GALNT6: variants seen among roughly 807,000 people sequenced by gnomAD.
GALNT6 encodes polypeptide N-acetylgalactosaminyltransferase 6, also known as GalNAc transferase 6.
GALNT6 carries 51 observed loss-of-function variants against 65.9 expected under a neutral mutation model. The observed-to-expected ratio is 0.77, with a 90% CI of 0.62 to 0.98. GALNT6 has a LOEUF of 0.98. Ranked by LOEUF, GALNT6 falls within the 50% of genes least tolerant of loss-of-function variation. The probability of loss-of-function intolerance (pLI) is 0.00; values close to 1 mark genes in which losing one functional copy is unlikely to be tolerated. For missense variants in GALNT6, 708 were observed against 803.3 expected, an observed-to-expected ratio of 0.88 and a Z score of 1.43; for synonymous variants, 323 against 315.1, an observed-to-expected ratio of 1.02 and a Z score of -0.26.
rs552090317 is a variant in GALNT6 at position 51,360,641 on chromosome 12, T to C, written c.1167+80A>G. On this transcript the variant is annotated intron_variant, in intron 7 of 11. Coordinates refer to ENST00000356317, the MANE Select transcript of GALNT6 (RefSeq NM_007210.4). ...TCAGTTCCAGATGGGATGTCCCTGA[T>C]GCCACCTCTGCCTGAGAGATGTTTC... The C allele has an allele frequency of 6.0e-6, 5 of 832,766 alleles. No individual in the cohort carries two copies. The East Asian group carries it at 9.8e-5, about 16-fold the overall frequency. 51.6% of individuals were successfully genotyped at this position (832,766 alleles called of 1,614,324 possible).
At position 51,360,831 on chromosome 12, in the gene GALNT6, T is replaced by C. The variant is rs1228316809; in HGVS notation, c.1057A>G (p.Thr353Ala). 3 of 1,608,348 alleles carry C rather than the reference T, an allele frequency of 1.9e-6. No individual in the cohort carries two copies. Among genetic ancestry groups the C allele is most frequent in the African/African-American group, 2.7e-5 (2 of 74,752 alleles). The change falls in exon 7 of 12, where the codon ACG (threonine) becomes GCG (alanine). Residue 353 changes from threonine (T) to alanine (A), a missense_variant. Thr to Ala is a moderately conservative substitution (Grantham distance 58). Transcript: ENST00000356317. ...KDETYPIKSP[T>A]FAGGLFSISK... ...ATGGAGAAGAGGCCACCAGCAAACG[T>C]CGGGGATCTGGAGAGACAGAGGGAG...
Position 51,373,609 on chromosome 12 carries a change from G to A in GALNT6, c.664+3586C>T, listed in dbSNP as rs1045222794. On this transcript the variant is annotated intron_variant, in intron 4 of 11. Transcript: ENST00000356317. ...AAGAGATTCAGGTGAAAGAGCTTCC[G>A]AAGGATGGGTAGCATAGGGTTAGGA... Among the ~76,000 whole-genome samples the A allele has an allele frequency of 3.9e-5, 6 of 152,172 alleles. No homozygotes were observed. In the South Asian group the frequency reaches 1.2e-3, roughly 32 times the overall value.
At chr12:51,386,521 G>T (rs905730727) in intron 2 of GALNT6, among the ~76,000 whole-genome samples, 4 of 152,188 alleles carry the variant, frequency 2.6e-5, no homozygotes, top group Non-Finnish European at 4.4e-5. Context: ...TGGCCTCTTT[G>T]TAACAATGTT....
At chr12:51,375,942 C>A (rs1162210478) in intron 4 of GALNT6, among the ~76,000 whole-genome samples, 1 of 152,026 alleles carries the variant, frequency 6.6e-6, no homozygotes, top group Non-Finnish European at 1.5e-5. Flanking sequence ...CTCACTGCAG[C>A]CTACGCCTCC....
chr12:51,354,102 C>G lies in GALNT6; in HGVS notation c.*277G>C, dbSNP rs1215589087. On this transcript the variant is annotated 3_prime_UTR_variant, in exon 12 of 12. Transcript: ENST00000356317. ...TGAACTCAGCATTGCTGCCCTGAACCCTCCCCCAGCTGCCTTCCCTACTTT... is the reference window on the plus strand; with the variant it reads ...TGAACTCAGCATTGCTGCCCTGAACGCTCCCCCAGCTGCCTTCCCTACTTT... 1.4e-5 allele frequency: 5 copies of G among 352,720 alleles called. No individual in the cohort carries two copies. The East Asian group carries it at 3.1e-4, about 22-fold the overall frequency. 21.8% of individuals were successfully genotyped at this position (352,720 alleles called of 1,614,324 possible).
intron 6 of GALNT6, among the ~76,000 whole-genome samples, chr12:51,363,606 G>A (rs1946996488): frequency 6.6e-6 from 1 of 152,232 alleles, no homozygotes; most frequent in South Asian, 2.1e-4. Flanking sequence ...ACTTCACGCT[G>A]CAGAAAATGT....
intron 6 of GALNT6, among the ~76,000 whole-genome samples, chr12:51,362,369 T>C (rs1946950486): frequency 1.3e-5 from 2 of 152,132 alleles, no homozygotes; most frequent in South Asian, 4.1e-4. Context: ...CCTCTGCCTC[T>C]CCTCTTAGGC....
Position 51,377,341 on chromosome 12 carries a change from C to G in GALNT6, c.518G>C (p.Cys173Ser), listed in dbSNP as rs772422936. 3 of 1,612,638 alleles carry G rather than the reference C, an allele frequency of 1.9e-6. No homozygotes were observed. The East Asian group carries it at 6.7e-5, about 36-fold the overall frequency. Residue 173 changes from cysteine to serine, a missense_variant, in exon 4 of 12, where the codon TGC becomes TCC. By Grantham distance (112) the Cys-to-Ser change is moderately radical. Transcript: ENST00000356317. ...CACGCTGGTGGTGGCCAGTGGGGGGCAGCGCCGGAACTTCTGGTCCACACA... is the reference window on the plus strand; with the variant it reads ...CACGCTGGTGGTGGCCAGTGGGGGGGAGCGCCGGAACTTCTGGTCCACACA... ...PECVDQKFRR[C>S]PPLATTSVII...
chr12:51,379,165 A>T, intron 3 of GALNT6, 126 bp downstream of exon 3: 1 of 932,458 alleles, frequency 1.1e-6, no homozygotes, highest in Non-Finnish European at 1.6e-6. Flanking sequence ...CATAGAGGAG[A>T]TCCTTGCCCA....
chr12:51,358,098 G>T (rs768169200), intron 9 of GALNT6, 32 bp downstream of exon 9: 13 of 1,604,130 alleles, frequency 8.1e-6, no homozygotes, highest in Non-Finnish European at 1.0e-5. Context: ...GTGCTGTGGT[G>T]ATGGGCAGGC....
At chr12:51,354,554 G>T in intron 11 of GALNT6, 62 bp from the exon 12 acceptor site, 1 of 989,620 alleles carries the variant, frequency 1.0e-6, no homozygotes, top group Non-Finnish European at 1.5e-6. Flanking sequence ...TGCTACCAGG[G>T]ACAATGCGAT....
rs571998483 is a variant in GALNT6 at position 51,376,738 on chromosome 12, C to T, written c.664+457G>A. Among the ~76,000 whole-genome samples, 507 of 151,970 alleles carry T rather than the reference C, an allele frequency of 3.3e-3. 5 individuals carry two copies. Among genetic ancestry groups the T allele is most frequent in the African/African-American group, 0.011 (467 of 41,434 alleles). On this transcript the variant is annotated intron_variant, in intron 4 of 11. Transcript: ENST00000356317. ...GGCATCCCCTCTGCCTGGGTCAGAG[C>T]CAGGCACACAGTACTCAGTAGATGT...
chr12:51,359,280 T>C lies in GALNT6; in HGVS notation c.1220A>G (p.His407Arg). Residue 407 changes from histidine (H) to arginine (R), a missense_variant, in exon 8 of 12, where the codon CAT (histidine) becomes CGT (arginine). Physicochemically the swap from His to Arg is conservative, Grantham distance 29 (BLOSUM62 0). Transcript: ENST00000356317. ...LEIIPCSVVG[H>R]VFRTKSPHTF... ...GTGGGGGCTCTTGGTCCGGAACACA[T>C]GGCCTACGACAGAGCAGGGGATGAT... 6.2e-7 allele frequency: 1 copy of C among 1,614,050 alleles called. No homozygotes were observed. Among genetic ancestry groups the C allele is most frequent in the Non-Finnish European group, 8.5e-7 (1 of 1,179,966 alleles).
Position 51,354,509 on chromosome 12 carries a change from C to T in GALNT6, c.1756-17G>A, listed in dbSNP as rs1487828709. 2.0e-6 allele frequency: 3 copies of T among 1,528,610 alleles called. No homozygotes were observed. The Admixed American group carries it at 5.3e-5, about 27-fold the overall frequency. The allele number at this position is 1,528,610 out of a possible 1,614,324, so 94.7% of individuals were successfully genotyped here. A position where few individuals can be genotyped will look rare whatever the true frequency, so the allele number is the denominator to read the frequency against. The stretch of plus-strand genomic sequence containing the variant: ...GAGCTGATCCTAAAAGATGACAAAG[C>T]AAAAGGTCAGTCTGGGCCACAGACC... On this transcript the variant is annotated splice_polypyrimidine_tract_variant and intron_variant, in intron 11 of 11. Transcript: ENST00000356317.
chr12:51,370,987 T>G (rs1947274391), intron 4 of GALNT6, among the ~76,000 whole-genome samples: 1 of 152,030 alleles, frequency 6.6e-6, no homozygotes, highest in South Asian at 2.1e-4. Context: ...CATACACACA[T>G]GAAAAATCCA....
rs575399959 is a variant in GALNT6, at chr12:51,354,337, C to T, written c.*42G>A. 9 of 1,102,690 alleles carry T rather than the reference C, an allele frequency of 8.2e-6. No homozygotes were observed. In the South Asian group the frequency reaches 9.0e-5, roughly 11 times the overall value. 68.3% of individuals were successfully genotyped at this position (1,102,690 alleles called of 1,614,324 possible). A position where few individuals can be genotyped will look rare whatever the true frequency, so the allele number is the denominator to read the frequency against. ...TCCCAGACATCAGCAATCCTGTTTC[C>T]TGAGGAGCTTGTGGGGGCTCTCTCT... is the stretch of plus-strand genomic sequence containing the variant. On this transcript the variant is annotated 3_prime_UTR_variant, in exon 12 of 12. Coordinates refer to ENST00000356317, the MANE Select transcript of GALNT6 (RefSeq NM_007210.4).
chr12:51,353,426 A>G lies in GALNT6; in HGVS notation c.*953T>C, dbSNP rs1350995153. ...CTCTTGTTGCTCAGGCTGGGGTGCA[A>G]TGGTGCTGTCTTGGCTCACTGCAAC... On this transcript the variant is annotated 3_prime_UTR_variant, in exon 12 of 12. Transcript: ENST00000356317. The G allele has an allele frequency of 6.8e-6, 1 of 147,660 alleles. No homozygotes were observed. The highest frequency in any genetic ancestry group is 1.5e-5 in the Non-Finnish European group (1 of 67,520). The allele number at this position is 147,660 out of a possible 1,614,324, so 9.1% of individuals were successfully genotyped here.
Position 51,359,296 on chromosome 12 carries a change from A to C in GALNT6, c.1204T>G (p.Cys402Gly). The change falls in exon 8 of 12, where the codon TGC becomes GGC. Residue 402 changes from cysteine (C) to glycine (G), a missense_variant. Coordinates refer to ENST00000356317, the MANE Select transcript of GALNT6 (RefSeq NM_007210.4). ...QCGGQLEIIP[C>G]SVVGHVFRTK... Reference sequence around the variant, plus strand: ...CGGAACACATGGCCTACGACAGAGCAGGGGATGATCTCCAGCTGGCCCCCA... The same window carrying C: ...CGGAACACATGGCCTACGACAGAGCCGGGGATGATCTCCAGCTGGCCCCCA... 1.2e-6 allele frequency: 2 copies of C among 1,613,418 alleles called. No homozygotes were observed. Among genetic ancestry groups the C allele is most frequent in the Non-Finnish European group, 1.7e-6 (2 of 1,179,662 alleles).
intron 6 of GALNT6, 88 bp from the exon 7 acceptor site, chr12:51,360,926 T>A (rs1946906737): frequency 1.3e-6 from 1 of 754,122 alleles, no homozygotes; most frequent in Admixed American, 2.1e-5. Context: ...ACTCCCCTCC[T>A]AACCCACCTC....
Sources: allele counts gnomAD v4.1 joint callset (sites outside exome capture counted in the v4.1 genomes callset), GRCh38; gene constraint gnomAD v4.1.1; transcripts MANE v1.5; gene names NCBI Gene and HGNC (gene_info 2026-07-23, HGNC 2026-07-21).